The following MACROD2 variants were observed in gnomAD, a reference collection of about 807,000 sequenced individuals.
MACROD2 encodes the protein ADP-ribose glycohydrolase MACROD2.
A neutral mutation model predicts 70.4 loss-of-function variants in MACROD2; 36 were observed. The ratio of observed to expected loss-of-function variants is 0.51; its 90% CI spans 0.39 to 0.68. The LOEUF (loss-of-function observed/expected upper bound fraction) is 0.68. MACROD2 is among the 30% of genes least tolerant of loss of function. The probability of loss-of-function intolerance (pLI) is 0.00; values close to 1 mark genes in which losing one functional copy is unlikely to be tolerated. For synonymous variants in MACROD2, 172 were observed against 178.8 expected (o/e 0.96, Z 0.30); for missense variants, 496 against 538.4 (o/e 0.92, Z 0.78).
chr20:16,044,494 A>C (rs373973908), intron 16 of MACROD2, 77 bp from the exon 17 acceptor site: 1 of 1,241,858 alleles, frequency 8.1e-7, no homozygotes. Context: ...GAAAGTATCA[A>C]ATCATGGGTC....
intron 3 of MACROD2, among the ~76,000 whole-genome samples, chr20:14,233,461 G>C (rs1209286688): frequency 6.6e-6 from 1 of 151,942 alleles, no homozygotes; most frequent in Non-Finnish European, 1.5e-5. Context: ...GGGAGGCCAA[G>C]GTGGGAGGAT....
At chr20:14,880,124 C>T (rs1054565177) in intron 5 of MACROD2, among the ~76,000 whole-genome samples, 1 of 152,036 alleles carries the variant, frequency 6.6e-6, no homozygotes, top group Non-Finnish European at 1.5e-5. Flanking sequence ...TGACTTGAGA[C>T]GCAGAATCAA....
At chr20:14,065,143 T>A (rs2053740676) in intron 2 of MACROD2, among the ~76,000 whole-genome samples, 1 of 152,224 alleles carries the variant, frequency 6.6e-6, no homozygotes, top group African/African-American at 2.4e-5. Flanking sequence ...CTACCAAGGC[T>A]GCACGTAACA....
At chr20:14,832,805 G>A (rs1028726918) in intron 5 of MACROD2, among the ~76,000 whole-genome samples, 10 of 152,116 alleles carry the variant, frequency 6.6e-5, no homozygotes, top group Non-Finnish European at 1.2e-4. Context: ...ATTTGACTTA[G>A]CCTGGGAAGT....
chr20:14,793,572 G>A (rs958636549), intron 5 of MACROD2, among the ~76,000 whole-genome samples: 5 of 152,044 alleles, frequency 3.3e-5, no homozygotes, highest in African/African-American at 9.7e-5. Flanking sequence ...ATAGGGAATC[G>A]ATTATACCGG....
At chr20:15,972,653 T>C (rs144141479) in intron 13 of MACROD2, among the ~76,000 whole-genome samples, 4,497 of 151,950 alleles carry the variant, frequency 0.03, 220 homozygotes, top group African/African-American at 0.1. Flanking sequence ...CTACTAAAAA[T>C]ACAAAAATTA....
chr20:14,660,950 A>G (rs1265670630), intron 4 of MACROD2, among the ~76,000 whole-genome samples: 2 of 151,700 alleles, frequency 1.3e-5, no homozygotes, highest in African/African-American at 4.8e-5. Context: ...TATCTAATCT[A>G]CCATTGATGG....
chr20:15,798,235 C>T (rs1243364432), intron 8 of MACROD2, among the ~76,000 whole-genome samples: 1 of 152,146 alleles, frequency 6.6e-6, no homozygotes, highest in Non-Finnish European at 1.5e-5. Context: ...TCTTCCCTGT[C>T]CCACAATGTC....
intron 2 of MACROD2, among the ~76,000 whole-genome samples, chr20:14,080,116 G>A (rs1006535098): frequency 6.6e-6 from 1 of 152,000 alleles, no homozygotes; most frequent in African/African-American, 2.4e-5. Context: ...GGTAGTGCTT[G>A]GCTTGACTTT....
chr20:14,436,066 A>G (rs185933632), intron 3 of MACROD2, among the ~76,000 whole-genome samples: 86 of 152,282 alleles, frequency 5.6e-4, no homozygotes, highest in Non-Finnish European at 6.3e-4. Flanking sequence ...TAAAAGCCAG[A>G]ACATACACAA....
intron 8 of MACROD2, among the ~76,000 whole-genome samples, chr20:15,655,174 C>T (rs1437833077): frequency 1.3e-5 from 2 of 151,586 alleles, no homozygotes; most frequent in African/African-American, 4.8e-5. Context: ...AAAACACATT[C>T]TCAAAAAGGG....
chr20:15,732,694 CTATT>C (rs2050962486), intron 8 of MACROD2, among the ~76,000 whole-genome samples: 1 of 150,750 alleles, frequency 6.6e-6, no homozygotes, highest in Non-Finnish European at 1.5e-5. Flanking sequence ...TCATTGGACT[CTATT>C]TGCTAATATT....
Position 15,275,475 on chromosome 20 carries a change from T to A in MACROD2, c.540+45414T>A, listed in dbSNP as rs539732366. Among the ~76,000 whole-genome samples, 3 of 152,312 alleles carry A rather than the reference T, an allele frequency of 2.0e-5. No individual in the cohort carries two copies. In the South Asian group the frequency reaches 6.2e-4, roughly 32 times the overall value. On this transcript the variant is annotated intron_variant, in intron 6 of 17. Coordinates refer to ENST00000684519, the MANE Select transcript of MACROD2 (RefSeq NM_001351661.2). ...GATATCCATGGCATCTAACAAATCT[T>A]GCTGTGCACCCGGTAAACATATAGT...
At position 14,860,959 on chromosome 20, in the gene MACROD2, T is replaced by TA. The variant is rs11476156; in HGVS notation, c.418+176012dup. 2.7e-3 allele frequency among the ~76,000 whole-genome samples: 407 copies of TA among 149,236 alleles called. 2 individuals carry two copies. Among genetic ancestry groups the TA allele is most frequent in the East Asian group, 0.01 (52 of 5,104 alleles). ...AACTACATCCCCATTCTGGAGACTT[T>TA]AAAAAAAAAAAATTGCTTTGTTTAT... On this transcript the variant is annotated intron_variant, in intron 5 of 17. Coordinates refer to ENST00000684519, the MANE Select transcript of MACROD2 (RefSeq NM_001351661.2).
At chr20:14,222,669 C>A (rs6135093) in intron 3 of MACROD2, among the ~76,000 whole-genome samples, 1 of 151,874 alleles carries the variant, frequency 6.6e-6, no homozygotes, top group Non-Finnish European at 1.5e-5. Context: ...AGCCCATTTT[C>A]TTTTAAAAAA....
chr20:15,618,845 G>A (rs780331313), intron 8 of MACROD2, among the ~76,000 whole-genome samples: 2 of 152,180 alleles, frequency 1.3e-5, no homozygotes, highest in Non-Finnish European at 2.9e-5. Context: ...TCTCAGAGCC[G>A]GCTGTGCGGA....
rs924414279 is a variant in MACROD2, at chr20:14,937,631, A to G, written c.418+252672A>G. Among the ~76,000 whole-genome samples the G allele has an allele frequency of 5.6e-4, 85 of 152,088 alleles. 2 individuals carry two copies. The highest frequency in any genetic ancestry group is 2.0e-3 in the African/African-American group (84 of 41,396). ...TAATTTGTAAAGAACAAATCAGTGT[A>G]ATTGGGATATATATATGTATATATA... On this transcript the variant is annotated intron_variant, in intron 5 of 17. Coordinates refer to ENST00000684519, the MANE Select transcript of MACROD2 (RefSeq NM_001351661.2).
intron 8 of MACROD2, among the ~76,000 whole-genome samples, chr20:15,725,102 C>T (rs540524300): frequency 1.3e-5 from 2 of 151,436 alleles, no homozygotes; most frequent in South Asian, 4.2e-4. Flanking sequence ...CAAACAACAA[C>T]AAAAAAAAAT....
At chr20:14,959,551 C>A (rs2074565622) in intron 5 of MACROD2, among the ~76,000 whole-genome samples, 1 of 151,798 alleles carries the variant, frequency 6.6e-6, no homozygotes, top group Admixed American at 6.5e-5. Flanking sequence ...CCAACAAAAA[C>A]CCAGAACACA....
Sources: allele counts gnomAD v4.1 joint callset (sites outside exome capture counted in the v4.1 genomes callset), GRCh38; gene constraint gnomAD v4.1.1; transcripts MANE v1.5; gene names NCBI Gene and HGNC (gene_info 2026-07-23, HGNC 2026-07-21).